The following DMD variants were observed in gnomAD, a reference collection of about 807,000 sequenced individuals.
DMD encodes the protein dystrophin, also known as mutant dystrophin.
In DMD, 63 loss-of-function variants were observed where a neutral mutation model predicts 330.1. The observed-to-expected ratio is 0.19, with a 90% CI of 0.16 to 0.24. The LOEUF is 0.24. Ranked by LOEUF, DMD falls within the 10% of genes least tolerant of loss-of-function variation. The pLI is 1.00. For synonymous variants in DMD, 1,223 were observed against 959.8 expected (o/e 1.27, Z -5.07); for missense variants, 3,344 against 2,684.1 (o/e 1.25, Z -5.43).
At chrX:32,532,190 A>G (rs1405258528) in intron 17 of DMD, among the ~76,000 whole-genome samples, 2 of 112,030 alleles carry the variant, frequency 1.8e-5, no homozygotes, top group African/African-American at 6.5e-5. Flanking sequence ...ATGCTGAAAA[A>G]GACATCTAAA....
At chrX:31,294,717 AG>A (rs2054030068) in intron 62 of DMD, among the ~76,000 whole-genome samples, 1 of 112,229 alleles carries the variant, frequency 8.9e-6, no homozygotes, top group Non-Finnish European at 1.9e-5. Flanking sequence ...TTGTAATCTT[AG>A]GGTAACAGTT....
intron 2 of DMD, among the ~76,000 whole-genome samples, chrX:32,866,724 T>TTTTTTGGCGG (rs1307416049): frequency 2.6e-5 from 1 of 38,413 alleles, no homozygotes; most frequent in African/African-American, 1.7e-4. Flanking sequence ...CACTTTTTTT[T>TTTTTTGGCGG]GGGGGGGGGT....
In DMD at chrX:33,081,327, G is replaced by T. The variant is rs1469771290; in HGVS notation, c.32-61127C>A. On this transcript the variant is annotated intron_variant, in intron 1 of 78. Coordinates refer to ENST00000357033, the MANE Select transcript of DMD (RefSeq NM_004006.3). ...CTCGCTCTGTCACCCAGGCTGGAGT[G>T]CAGTGGTGCTATCTCAGCTCACTGC... Among the ~76,000 whole-genome samples, 3 of 111,848 alleles carry T rather than the reference G, an allele frequency of 2.7e-5. No homozygotes were observed. The Admixed American group carries it at 2.9e-4, about 11-fold the overall frequency.
chrX:31,847,662 T>A (rs1456531370), intron 48 of DMD, among the ~76,000 whole-genome samples: 1 of 111,617 alleles, frequency 9.0e-6, no homozygotes, highest in Non-Finnish European at 1.9e-5. Flanking sequence ...GCAAATAAAA[T>A]GTGACATAGA....
chrX:32,484,075 G>T (rs1166163041), intron 21 of DMD, among the ~76,000 whole-genome samples: 1 of 110,845 alleles, frequency 9.0e-6, no homozygotes, highest in East Asian at 2.8e-4. Context: ...TTGGGACAGA[G>T]ATTTTTTCAG....
chrX:33,325,105 G>C (rs1004429455), intron 1 of DMD, among the ~76,000 whole-genome samples: 3 of 111,632 alleles, frequency 2.7e-5, no homozygotes, highest in African/African-American at 9.8e-5. Context: ...AAAGTATAAT[G>C]TATACAATTG....
chrX:32,795,778 A>G (rs1238548548), intron 7 of DMD, among the ~76,000 whole-genome samples: 1 of 111,806 alleles, frequency 8.9e-6, no homozygotes. Flanking sequence ...AAAAATAATC[A>G]CATTAAAAAT....
At chrX:32,747,391 G>T (rs1438940072) in intron 7 of DMD, among the ~76,000 whole-genome samples, 2 of 111,993 alleles carry the variant, frequency 1.8e-5, no homozygotes, top group Non-Finnish European at 3.8e-5. Context: ...AGACAGTTGT[G>T]GCTGCAGAAT....
chrX:32,579,134 C>G (rs1044157493), intron 13 of DMD, among the ~76,000 whole-genome samples: 17 of 111,386 alleles, frequency 1.5e-4, no homozygotes, highest in African/African-American at 4.9e-4. Context: ...GCTTGGTTCT[C>G]AGTTTTACAC....
rs984727386 is a variant in DMD, at chrX:31,119,403, CAAGT to C, written c.*2512_*2515del. On this transcript the variant is annotated 3_prime_UTR_variant, in exon 79 of 79. Transcript: ENST00000357033. ...TTAAAACACAATATATTATGATACTCAAGTAAGAACTCAGTACCTGAAAACAATG... is the reference window on the plus strand; with the variant it reads ...TTAAAACACAATATATTATGATACTCAAGAACTCAGTACCTGAAAACAATG... 2 of 112,181 alleles carry C rather than the reference CAAGT, an allele frequency of 1.8e-5. No homozygotes were observed. Among genetic ancestry groups the C allele is most frequent in the Non-Finnish European group, 3.8e-5 (2 of 53,068 alleles). 9.2% of individuals were successfully genotyped at this position (112,181 alleles called of 1,213,427 possible).
intron 1 of DMD, among the ~76,000 whole-genome samples, chrX:33,165,948 G>A (rs1209123752): frequency 9.0e-6 from 1 of 111,172 alleles, no homozygotes; most frequent in African/African-American, 3.3e-5. Flanking sequence ...TAAAGGAAGC[G>A]CTCAAGTTTT....
chrX:31,764,770 TAAATC>T (rs1047980489), intron 51 of DMD, among the ~76,000 whole-genome samples: 2 of 111,803 alleles, frequency 1.8e-5, no homozygotes, highest in African/African-American at 6.5e-5. Context: ...AGATGACAGT[TAAATC>T]AAAGCATTTC....
At chrX:32,161,118 C>T (rs185631800) in intron 44 of DMD, among the ~76,000 whole-genome samples, 2 of 111,640 alleles carry the variant, frequency 1.8e-5, no homozygotes, top group Admixed American at 1.9e-4. Context: ...GGGCAATGAG[C>T]TCGCACTTCT....
At chrX:32,467,254 A>G (rs1350189265) in intron 23 of DMD, among the ~76,000 whole-genome samples, 2 of 111,993 alleles carry the variant, frequency 1.8e-5, no homozygotes, top group Non-Finnish European at 3.8e-5. Context: ...ATCATACCAT[A>G]ACGTTTTCGA....
At position 31,938,803 on chromosome X, in the gene DMD, A is replaced by G. The variant is rs977484176; in HGVS notation, c.6615-6576T>C. On this transcript the variant is annotated intron_variant, in intron 45 of 78. Transcript: ENST00000357033. ...ATGAGCTACACCATGTAACCACTTA[A>G]TGAGTTACTTTTAACAGTATTCTTT... is the stretch of plus-strand genomic sequence containing the variant. Among the ~76,000 whole-genome samples, 3 of 111,983 alleles carry G rather than the reference A, an allele frequency of 2.7e-5. No homozygotes were observed. The Admixed American group carries it at 2.8e-4, about 11-fold the overall frequency.
intron 2 of DMD, among the ~76,000 whole-genome samples, chrX:32,875,434 A>G (rs2083301408): frequency 8.9e-6 from 1 of 112,017 alleles, no homozygotes; most frequent in African/African-American, 3.2e-5. Flanking sequence ...TGTTTCCATG[A>G]TAATTTTCTG....
chrX:31,173,421 G>T, intron 72 of DMD, 118 bp downstream of exon 72: 2 of 843,262 alleles, frequency 2.4e-6, no homozygotes, highest in Non-Finnish European at 3.4e-6. Flanking sequence ...AAGTTGATTA[G>T]TAGGAATCAG....
intron 1 of DMD, among the ~76,000 whole-genome samples, chrX:33,283,150 T>G (rs747711908): frequency 8.9e-6 from 1 of 112,637 alleles, no homozygotes; most frequent in African/African-American, 3.2e-5. Flanking sequence ...TTCCAAAAGC[T>G]AAATATACAT....
At chrX:31,353,615 T>G (rs143277042) in intron 60 of DMD, among the ~76,000 whole-genome samples, 1,384 of 112,082 alleles carry the variant, frequency 0.012, 20 homozygotes, top group African/African-American at 0.043. Flanking sequence ...ATGAAGATAT[T>G]GCTGGTGGCA....
Sources: gnomAD v4.1 joint callset for allele counts (sites outside exome capture counted in the v4.1 genomes callset) on GRCh38, gnomAD v4.1.1 for gene constraint, MANE v1.5 for transcripts, NCBI Gene and HGNC (gene_info 2026-07-23, HGNC 2026-07-21) for gene names.